Variants in JHY observed in about 807,000 individuals in gnomAD.
The protein encoded by JHY is jhy protein homolog.
JHY carries 69 observed loss-of-function variants against 78.0 expected under a neutral mutation model. The observed-to-expected ratio is 0.88, with a 90% CI of 0.73 to 1.08. JHY has a LOEUF of 1.08. JHY is among the 50% of genes least tolerant of loss of function. JHY has a pLI of 0.00. For missense variants in JHY, 944 were observed against 927.8 expected (o/e 1.02, Z -0.23); for synonymous variants, 368 against 342.6 (o/e 1.07, Z -0.82).
rs889943661 is a variant in JHY at position 122,960,975 on chromosome 11, A to G, written c.*1530A>G. 5.1e-6 allele frequency: 4 copies of G among 786,944 alleles called. No individual in the cohort carries two copies. The highest frequency in any genetic ancestry group is 9.1e-6 in the Non-Finnish European group (4 of 438,904). 48.7% of individuals were successfully genotyped at this position (786,944 alleles called of 1,614,324 possible). ...GATGCGTTGAAAGGAACAAGAGCACATGATAAATTGGGTGCAGAGCATCTC... is the reference window on the plus strand; with the variant it reads ...GATGCGTTGAAAGGAACAAGAGCACGTGATAAATTGGGTGCAGAGCATCTC... On this transcript the variant is annotated 3_prime_UTR_variant, in exon 9 of 9. Coordinates refer to ENST00000227349, the MANE Select transcript of JHY (RefSeq NM_024806.4).
At chr11:122,911,575 G>A (rs1024178855) in intron 3 of JHY, among the ~76,000 whole-genome samples, 1 of 152,140 alleles carries the variant, frequency 6.6e-6, no homozygotes, top group Non-Finnish European at 1.5e-5. Flanking sequence ...TTCAGATACT[G>A]ATAATACCTC....
chr11:122,959,450 C>T lies in JHY; in HGVS notation c.*5C>T. Reference sequence around the variant, plus strand: ...AAAGTCCTTCACATCGTATAGACAACATTTGATAGGAAGGAGACCAAAAAT... The same window carrying T: ...AAAGTCCTTCACATCGTATAGACAATATTTGATAGGAAGGAGACCAAAAAT... On this transcript the variant is annotated 3_prime_UTR_variant, in exon 9 of 9. Coordinates refer to ENST00000227349, the MANE Select transcript of JHY (RefSeq NM_024806.4). 1.2e-6 allele frequency: 2 copies of T among 1,613,420 alleles called. No homozygotes were observed. The highest frequency in any genetic ancestry group is 1.7e-6 in the Non-Finnish European group (2 of 1,179,636).
intron 8 of JHY, chr11:122,958,822 A>G: frequency 1.0e-6 from 1 of 985,178 alleles, no homozygotes; most frequent in Non-Finnish European, 1.2e-6. Flanking sequence ...TGGGAGCTCA[A>G]GTGTATGTAA....
intron 2 of JHY, among the ~76,000 whole-genome samples, chr11:122,889,323 C>T (rs964029685): frequency 2.5e-4 from 4 of 15,862 alleles, no homozygotes; most frequent in South Asian, 2.1e-3. Flanking sequence ...GTTGGCTTTC[C>T]GTATCCATGG....
chr11:122,938,113 G>A (rs2135360824), intron 5 of JHY, among the ~76,000 whole-genome samples: 1 of 151,916 alleles, frequency 6.6e-6, no homozygotes, highest in East Asian at 1.9e-4. Context: ...CTTTGTATAG[G>A]TCTGTTTTCA....
chr11:122,922,809 C>CAAAAAAAAAAAAAAAAAAAAAAAA (rs571482464), intron 3 of JHY, among the ~76,000 whole-genome samples: 1 of 44,356 alleles, frequency 2.3e-5, no homozygotes, highest in African/African-American at 4.5e-5. Flanking sequence ...GACTCCGTCT[C>CAAAAAAAAAAAAAAAAAAAAAAAA]AAAAAAAAAA....
intron 2 of JHY, 22 bp downstream of exon 2, chr11:122,886,215 G>A (rs766476268): frequency 1.3e-6 from 2 of 1,573,316 alleles, no homozygotes; most frequent in African/African-American, 1.4e-5. Context: ...GCTTGTGTAA[G>A]ATAATAATGG....
chr11:122,948,468 A>AATAATCATAATC (rs1555059948), intron 6 of JHY, among the ~76,000 whole-genome samples: 58 of 148,366 alleles, frequency 3.9e-4, no homozygotes, highest in African/African-American at 1.4e-3. Flanking sequence ...TAATAATAAT[A>AATAATCATAATC]ATAATAATAA....
chr11:122,928,949 A>AGG, intron 4 of JHY, among the ~76,000 whole-genome samples: 1 of 141,470 alleles, frequency 7.1e-6, no homozygotes, highest in Non-Finnish European at 1.5e-5. Context: ...CGCCTGGCCC[A>AGG]TTTTTTCTTT....
intron 2 of JHY, among the ~76,000 whole-genome samples, chr11:122,902,424 C>T (rs1243721671): frequency 6.6e-6 from 1 of 151,676 alleles, no homozygotes; most frequent in Admixed American, 6.6e-5. Flanking sequence ...AAGGTCACAC[C>T]ACTGCACTCC....
intron 3 of JHY, chr11:122,905,242 A>G (rs767501902): frequency 1.9e-6 from 3 of 1,614,020 alleles, no homozygotes. Context: ...ACTTAGTTCC[A>G]TTTCACAGGT....
At chr11:122,894,833 G>A (rs140293749) in intron 2 of JHY, among the ~76,000 whole-genome samples, 4 of 152,022 alleles carry the variant, frequency 2.6e-5, no homozygotes, top group African/African-American at 9.6e-5. Flanking sequence ...ATAACAATCC[G>A]GCCTCTTTAG....
chr11:122,922,703 A>G (rs181035068), intron 3 of JHY, among the ~76,000 whole-genome samples: 3 of 150,608 alleles, frequency 2.0e-5, no homozygotes, highest in East Asian at 2.0e-4. Flanking sequence ...CCAGCTACTC[A>G]GGAGGCTGAG....
rs80191807 is a variant in JHY, at chr11:122,889,667, T to C, written c.344+3474T>C. Among the ~76,000 whole-genome samples the C allele has an allele frequency of 1.0e-2, 1,518 of 152,342 alleles. 8 individuals are homozygous for C. Among genetic ancestry groups the C allele is most frequent in the Non-Finnish European group, 0.014 (977 of 68,030 alleles). On this transcript the variant is annotated intron_variant, in intron 2 of 8. Coordinates refer to ENST00000227349, the MANE Select transcript of JHY (RefSeq NM_024806.4). Reference sequence around the variant, plus strand: ...GATGATTATACTTATATGTTCATAATACATGTGTACATGGTACATAGTATT... The same window carrying C: ...GATGATTATACTTATATGTTCATAACACATGTGTACATGGTACATAGTATT...
At chr11:122,907,464 C>G (rs990467730) in intron 3 of JHY, among the ~76,000 whole-genome samples, 1 of 149,080 alleles carries the variant, frequency 6.7e-6, no homozygotes, top group Non-Finnish European at 1.5e-5. Context: ...TTTATTATAA[C>G]TTGAAGTTTA....
intron 3 of JHY, among the ~76,000 whole-genome samples, chr11:122,915,556 A>G (rs962435749): frequency 9.2e-5 from 14 of 152,154 alleles, no homozygotes; most frequent in African/African-American, 3.1e-4. Flanking sequence ...CCTGTCATCC[A>G]GGCTGGAGTG....
intron 4 of JHY, among the ~76,000 whole-genome samples, chr11:122,934,128 T>G (rs1863693143): frequency 6.6e-6 from 1 of 152,066 alleles, no homozygotes; most frequent in South Asian, 2.1e-4. Context: ...AATCGTCTAC[T>G]TTTTCTTTAT....
intron 4 of JHY, among the ~76,000 whole-genome samples, chr11:122,928,740 C>T (rs1382130318): frequency 2.6e-5 from 4 of 152,028 alleles, no homozygotes; most frequent in Non-Finnish European, 4.4e-5. Context: ...GCTCCGTCTC[C>T]CGGGTTCAAG....
At chr11:122,902,661 CA>C (rs1251755943) in intron 2 of JHY, among the ~76,000 whole-genome samples, 1 of 152,032 alleles carries the variant, frequency 6.6e-6, no homozygotes, top group East Asian at 1.9e-4. Flanking sequence ...ATGGCAAAGG[CA>C]AAGGGGGAGC....
Sources: allele counts gnomAD v4.1 joint callset (sites outside exome capture counted in the v4.1 genomes callset), GRCh38; gene constraint gnomAD v4.1.1; transcripts MANE v1.5; gene names NCBI Gene and HGNC (gene_info 2026-07-23, HGNC 2026-07-21).